Variants in LRRC36 observed in about 807,000 individuals in gnomAD.
LRRC36 encodes the protein leucine-rich repeat-containing protein 36.
A neutral mutation model predicts 81.1 loss-of-function variants in LRRC36; 62 were observed. That is an observed-to-expected ratio of 0.76 (90% CI 0.62 to 0.94). The LOEUF (loss-of-function observed/expected upper bound fraction) is 0.94. LRRC36 is among the 40% of genes least tolerant of loss of function. LRRC36 has a pLI of 0.00. For missense variants in LRRC36, 761 were observed against 881.7 expected (o/e 0.86, Z 1.73); for synonymous variants, 334 against 348.6 (o/e 0.96, Z 0.47).
Position 67,329,842 on chromosome 16 carries a change from C to T in LRRC36, c.70+2910C>T, listed in dbSNP as rs139413623. Among the ~76,000 whole-genome samples the T allele has an allele frequency of 4.2e-3, 645 of 152,096 alleles. 3 individuals are homozygous for T. The highest frequency in any genetic ancestry group is 7.3e-3 in the Non-Finnish European group (498 of 68,014). ...CTGAGGCAGGAGAATCGCTTGAACC[C>T]GGGAGACGGAGGTTGTAGTGAGCTG... On this transcript the variant is annotated intron_variant, in intron 1 of 13. Transcript: ENST00000329956.
chr16:67,378,767 T>C (rs2040006805), intron 12 of LRRC36, 55 bp downstream of exon 12: 4 of 1,585,828 alleles, frequency 2.5e-6, no homozygotes, highest in Non-Finnish European at 3.4e-6. Flanking sequence ...TGTTTGTTTA[T>C]AGATGACCCA....
intron 1 of LRRC36, among the ~76,000 whole-genome samples, chr16:67,332,922 T>G (rs1486970195): frequency 6.6e-6 from 1 of 151,732 alleles, no homozygotes; most frequent in Non-Finnish European, 1.5e-5. Context: ...AACATGGTCT[T>G]ATTCTGTTGC....
chr16:67,376,213 C>T (rs1469549475), intron 10 of LRRC36, among the ~76,000 whole-genome samples: 1 of 152,022 alleles, frequency 6.6e-6, no homozygotes, highest in Non-Finnish European at 1.5e-5. Flanking sequence ...GAGGCTGAGG[C>T]GGGAGAGCTG....
chr16:67,347,437 A>G (rs1303744473), intron 3 of LRRC36, 58 bp from the exon 4 acceptor site: 9 of 1,604,726 alleles, frequency 5.6e-6, no homozygotes, highest in African/African-American at 2.7e-5. Flanking sequence ...CTGATTAACT[A>G]CTAGTTATGT....
chr16:67,371,386 A>C, intron 9 of LRRC36, 144 bp downstream of exon 9: 1 of 930,418 alleles, frequency 1.1e-6, no homozygotes. Context: ...TAATACTGCC[A>C]AGCTAACACC....
At chr16:67,347,734 T>G in intron 4 of LRRC36, 143 bp downstream of exon 4, 1 of 601,632 alleles carries the variant, frequency 1.7e-6, no homozygotes, top group South Asian at 2.0e-5. Context: ...GTATTTATTC[T>G]GCAAACTGAG....
Position 67,341,890 on chromosome 16 carries a change from A to G in LRRC36, c.71-67A>G, listed in dbSNP as rs1208564389. 4 of 1,374,668 alleles carry G rather than the reference A, an allele frequency of 2.9e-6. No individual in the cohort carries two copies. In the African/African-American group the frequency reaches 4.3e-5, roughly 15 times the overall value. 85.2% of individuals were successfully genotyped at this position (1,374,668 alleles called of 1,614,324 possible). On this transcript the variant is annotated intron_variant, in intron 1 of 13. Transcript: ENST00000329956. The stretch of plus-strand genomic sequence containing the variant: ...TGAGATATGGGAGGAAGAAAGGCCT[A>G]CTTTCACTGACTCTGCTGTTGATCC...
intron 1 of LRRC36, among the ~76,000 whole-genome samples, chr16:67,330,746 T>TC (rs1392318230): frequency 1.3e-5 from 2 of 151,900 alleles, no homozygotes; most frequent in Non-Finnish European, 2.9e-5. Context: ...GTGCCTATAA[T>TC]CCCAGCTACT....
chr16:67,346,255 G>A lies in LRRC36; in HGVS notation c.199-1G>A. On this transcript the variant is annotated splice_acceptor_variant, in intron 2 of 13. Transcript: ENST00000329956. LOFTEE classifies it high-confidence loss of function. ...TTCATAATGTGGTGTTTTCCTTGTA[G>A]GGAATCCAGTATTTATGTTCACTCC... 2 of 1,543,680 alleles carry A rather than the reference G, an allele frequency of 1.3e-6. No individual in the cohort carries two copies. The highest frequency in any genetic ancestry group is 1.8e-6 in the Non-Finnish European group (2 of 1,133,664).
intron 11 of LRRC36, among the ~76,000 whole-genome samples, chr16:67,377,968 A>G (rs16957387): frequency 0.034 from 5,179 of 152,254 alleles, 138 homozygotes; most frequent in South Asian, 0.069. Context: ...GGATTTTCAG[A>G]CACCAAGTTC....
At chr16:67,370,108 TA>T (rs2039571532) in intron 8 of LRRC36, among the ~76,000 whole-genome samples, 1 of 152,050 alleles carries the variant, frequency 6.6e-6, no homozygotes, top group African/African-American at 2.4e-5. Context: ...TGGTTTTAAA[TA>T]AAAGCACAGA....
chr16:67,339,575 A>C (rs1420780320), intron 1 of LRRC36, among the ~76,000 whole-genome samples: 1 of 152,142 alleles, frequency 6.6e-6, no homozygotes, highest in Admixed American at 6.5e-5. Context: ...AAGTGCAGTT[A>C]AGTTTTCTTA....
At chr16:67,362,493 A>G (rs2039200963) in intron 5 of LRRC36, among the ~76,000 whole-genome samples, 1 of 152,102 alleles carries the variant, frequency 6.6e-6, no homozygotes, top group Non-Finnish European at 1.5e-5. Flanking sequence ...AGCCTAAAGT[A>G]CTACTAATAA....
intron 5 of LRRC36, among the ~76,000 whole-genome samples, chr16:67,354,065 G>A (rs1289046393): frequency 6.6e-6 from 1 of 152,068 alleles, no homozygotes; most frequent in Non-Finnish European, 1.5e-5. Context: ...AGCTCTATCT[G>A]TAATTTGTCT....
At chr16:67,340,625 C>T (rs927825808) in intron 1 of LRRC36, among the ~76,000 whole-genome samples, 3 of 151,702 alleles carry the variant, frequency 2.0e-5, no homozygotes, top group Admixed American at 6.6e-5. Flanking sequence ...CACTGCACTC[C>T]AGCTTGGGCG....
chr16:67,365,448 G>C (rs1234099871), intron 7 of LRRC36, 93 bp downstream of exon 7: 5 of 1,098,862 alleles, frequency 4.6e-6, no homozygotes, highest in Non-Finnish European at 6.8e-6. Flanking sequence ...TCTCAATATG[G>C]GGGCCCTATT....
At chr16:67,353,702 C>T (rs2038764282) in intron 5 of LRRC36, among the ~76,000 whole-genome samples, 2 of 152,110 alleles carry the variant, frequency 1.3e-5, no homozygotes, top group East Asian at 3.8e-4. Context: ...TAGTCTCTTA[C>T]CAGGCATGGT....
At chr16:67,343,862 G>T (rs1216692821) in intron 2 of LRRC36, among the ~76,000 whole-genome samples, 3 of 151,810 alleles carry the variant, frequency 2.0e-5, no homozygotes, top group African/African-American at 7.3e-5. Flanking sequence ...TGTCGTCCAG[G>T]TTGGAGTGCA....
intron 9 of LRRC36, among the ~76,000 whole-genome samples, chr16:67,372,728 T>G (rs2039702886): frequency 6.6e-6 from 1 of 152,250 alleles, no homozygotes; most frequent in Non-Finnish European, 1.5e-5. Flanking sequence ...GTTGGAAATC[T>G]TACACATTGG....
Sources: allele counts gnomAD v4.1 joint callset (sites outside exome capture counted in the v4.1 genomes callset), GRCh38; gene constraint gnomAD v4.1.1; transcripts MANE v1.5; gene names NCBI Gene and HGNC (gene_info 2026-07-23, HGNC 2026-07-21).